Variants in CNTNAP2 observed in about 807,000 individuals in gnomAD.
CNTNAP2 encodes contactin-associated protein-like 2.
Under a neutral mutation model 155.2 loss-of-function variants are expected in CNTNAP2, and 98 were observed. The observed-to-expected ratio is 0.63, with a 90% CI of 0.54 to 0.75. The LOEUF is 0.75. Ranked by LOEUF, CNTNAP2 falls within the 30% of genes least tolerant of loss-of-function variation. CNTNAP2 has a pLI of 0.00. For missense variants in CNTNAP2, 1,727 were observed against 1,688.1 expected, an observed-to-expected ratio of 1.02 and a Z score of -0.40; for synonymous variants, 651 against 631.2, an observed-to-expected ratio of 1.03 and a Z score of -0.47.
At chr7:147,356,012 G>T (rs559294404) in intron 9 of CNTNAP2, among the ~76,000 whole-genome samples, 7 of 152,078 alleles carry the variant, frequency 4.6e-5, no homozygotes, top group African/African-American at 1.7e-4. Context: ...ATAACCCTGA[G>T]GAACATTGAT....
intron 1 of CNTNAP2, among the ~76,000 whole-genome samples, chr7:146,325,255 A>AT (rs1211150043): frequency 6.6e-6 from 1 of 152,176 alleles, no homozygotes; most frequent in East Asian, 1.9e-4. Context: ...ATGTAAGACA[A>AT]TTAGAAAGTA....
rs994508015 is a variant in CNTNAP2 at position 147,132,481 on chromosome 7, C to A, written c.1320C>A (p.Thr440=). ...KVGVHINITQ[T]KMSQIDISSG... ...GTGTTCACATCAACATCACACAGAC[C>A]AAGATGAGCCAAATCGATATTTCCT... The change falls in exon 8 of 24, where the codon ACC becomes ACA. Residue 440 remains threonine (T), a synonymous_variant. Coordinates refer to ENST00000361727, the MANE Select transcript of CNTNAP2 (RefSeq NM_014141.6). 9 of 1,613,440 alleles carry A rather than the reference C, an allele frequency of 5.6e-6. No homozygotes were observed. Among genetic ancestry groups the A allele is most frequent in the South Asian group, 1.1e-5 (1 of 91,072 alleles).
At chr7:148,014,503 C>T (rs995577592) in intron 15 of CNTNAP2, among the ~76,000 whole-genome samples, 2 of 152,088 alleles carry the variant, frequency 1.3e-5, no homozygotes, top group Non-Finnish European at 2.9e-5. Context: ...ATAACTTTGG[C>T]CAATTTTCCT....
chr7:148,156,924 T>C (rs985965297), intron 17 of CNTNAP2, among the ~76,000 whole-genome samples: 1 of 152,126 alleles, frequency 6.6e-6, no homozygotes, highest in East Asian at 1.9e-4. Context: ...GTCCCTCAAA[T>C]GCAGCTGAGG....
intron 3 of CNTNAP2, among the ~76,000 whole-genome samples, chr7:146,874,489 G>A (rs1795380176): frequency 6.6e-6 from 1 of 152,170 alleles, no homozygotes; most frequent in East Asian, 1.9e-4. Flanking sequence ...ACAGGCACCT[G>A]CCATCATGCC....
chr7:147,913,356 C>T (rs190486526), intron 14 of CNTNAP2, among the ~76,000 whole-genome samples: 1 of 152,274 alleles, frequency 6.6e-6, no homozygotes, highest in African/African-American at 2.4e-5. Flanking sequence ...GGCATGTCCA[C>T]AGATGAAAAG....
intron 12 of CNTNAP2, among the ~76,000 whole-genome samples, chr7:147,587,398 C>A (rs933138995): frequency 3.3e-5 from 5 of 152,168 alleles, no homozygotes; most frequent in African/African-American, 2.4e-5. Flanking sequence ...ATAAGCCAGA[C>A]AACACATGCA....
chr7:147,742,055 A>G (rs994839528), intron 13 of CNTNAP2, among the ~76,000 whole-genome samples: 1 of 151,552 alleles, frequency 6.6e-6, no homozygotes, highest in Non-Finnish European at 1.5e-5. Context: ...ATGCAGGGAA[A>G]CTCCCCTTTA....
chr7:146,407,475 A>G (rs802197), intron 1 of CNTNAP2, among the ~76,000 whole-genome samples: 4,084 of 152,236 alleles, frequency 0.027, 195 homozygotes, highest in African/African-American at 0.093. Context: ...TCACTGTTAT[A>G]GTGTATTACT....
intron 3 of CNTNAP2, among the ~76,000 whole-genome samples, chr7:146,987,067 C>A (rs1445383441): frequency 6.6e-6 from 1 of 152,082 alleles, no homozygotes; most frequent in African/African-American, 2.4e-5. Context: ...AACAAAGAAC[C>A]TGGAACACAG....
In CNTNAP2 at chr7:148,383,677, C is replaced by T; in HGVS notation, c.3504C>T (p.His1168=). The part of the protein sequence containing the change: ...IETGKIDQEI[H]KYNTPGFTGC... ...CAGGGAAAATTGACCAAGAGATTCACAAATACAACACCCCAGGATTCACTG... is the reference window on the plus strand; with the variant it reads ...CAGGGAAAATTGACCAAGAGATTCATAAATACAACACCCCAGGATTCACTG... Residue 1168 remains histidine, a synonymous_variant, in exon 22 of 24, where the codon CAC becomes CAT. Coordinates refer to ENST00000361727, the MANE Select transcript of CNTNAP2 (RefSeq NM_014141.6). 4 of 1,614,192 alleles carry T rather than the reference C, an allele frequency of 2.5e-6. No homozygotes were observed. The highest frequency in any genetic ancestry group is 3.4e-6 in the Non-Finnish European group (4 of 1,180,034).
rs1026640797 is a variant in CNTNAP2, at chr7:146,436,365, A to G, written c.97+319392A>G. 3.9e-5 allele frequency among the ~76,000 whole-genome samples: 6 copies of G among 152,324 alleles called. No individual in the cohort carries two copies. The East Asian group carries it at 1.2e-3, about 29-fold the overall frequency. On this transcript the variant is annotated intron_variant, in intron 1 of 23. Transcript: ENST00000361727. ...ATGTTGATGTGGCTATATATGTTGCAGTGGTGATAATAAAAATGTGGATTC... is the reference window on the plus strand; with the variant it reads ...ATGTTGATGTGGCTATATATGTTGCGGTGGTGATAATAAAAATGTGGATTC...
chr7:146,587,734 A>G (rs1400661681), intron 1 of CNTNAP2, among the ~76,000 whole-genome samples: 3 of 151,866 alleles, frequency 2.0e-5, no homozygotes, highest in African/African-American at 7.3e-5. Context: ...GTGCAATGTC[A>G]TGATCTCAGC....
intron 8 of CNTNAP2, among the ~76,000 whole-genome samples, chr7:147,284,485 A>G (rs1805132662): frequency 6.6e-6 from 1 of 151,890 alleles, no homozygotes; most frequent in South Asian, 2.1e-4. Context: ...TACCTGACTT[A>G]TGCACATGAT....
intron 21 of CNTNAP2, among the ~76,000 whole-genome samples, chr7:148,290,944 G>A (rs967544746): frequency 3.3e-5 from 5 of 152,182 alleles, no homozygotes; most frequent in African/African-American, 1.2e-4. Context: ...CTGCATGAAG[G>A]AGAATTATTA....
At chr7:146,352,745 A>ATTTTTTTTTTT (rs1794933581) in intron 1 of CNTNAP2, among the ~76,000 whole-genome samples, 2 of 81,996 alleles carry the variant, frequency 2.4e-5, no homozygotes, top group Admixed American at 1.4e-4. Flanking sequence ...AATTAGCATA[A>ATTTTTTTTTTT]TTCTGTTTTT....
At chr7:146,347,525 A>G (rs1223729380) in intron 1 of CNTNAP2, among the ~76,000 whole-genome samples, 1 of 151,986 alleles carries the variant, frequency 6.6e-6, no homozygotes, top group African/African-American at 2.4e-5. Flanking sequence ...ACAATAAGTT[A>G]TTTTTCTCTG....
At chr7:147,029,331 T>TA (rs141546775) in intron 3 of CNTNAP2, among the ~76,000 whole-genome samples, 8,637 of 152,184 alleles carry the variant, frequency 0.057, 330 homozygotes, top group Middle Eastern at 0.13. Context: ...AGAAGAATTT[T>TA]AAAAAAGATT....
At chr7:147,318,955 TAGATA>T (rs1286632507) in intron 9 of CNTNAP2, among the ~76,000 whole-genome samples, 2 of 152,124 alleles carry the variant, frequency 1.3e-5, no homozygotes, top group African/African-American at 4.8e-5. Flanking sequence ...GGAAACAAAC[TAGATA>T]AGATAAAGGG....
Sources: allele counts gnomAD v4.1 joint callset (sites outside exome capture counted in the v4.1 genomes callset), GRCh38; gene constraint gnomAD v4.1.1; transcripts MANE v1.5; gene names NCBI Gene and HGNC (gene_info 2026-07-23, HGNC 2026-07-21).